KDM4C: variants seen among roughly 807,000 people sequenced by gnomAD.
KDM4C encodes the protein lysine-specific demethylase 4C.
Under a neutral mutation model 129.3 loss-of-function variants are expected in KDM4C, and 81 were observed. That is an observed-to-expected ratio of 0.63 (90% CI 0.52 to 0.75). The LOEUF (loss-of-function observed/expected upper bound fraction) is 0.75, where lower values mean the gene tolerates loss of function less well. Among genes scored for constraint, KDM4C ranks in the 30% least tolerant of loss-of-function variants. The probability of loss-of-function intolerance (pLI) is 0.00; values close to 1 mark genes in which losing one functional copy is unlikely to be tolerated. For synonymous variants in KDM4C, 573 were observed against 456.1 expected, an observed-to-expected ratio of 1.26 and a Z score of -3.26; for missense variants, 1,457 against 1,304.0, an observed-to-expected ratio of 1.12 and a Z score of -1.81.
At chr9:6,960,244 A>G (rs894278609) in intron 8 of KDM4C, among the ~76,000 whole-genome samples, 1 of 151,932 alleles carries the variant, frequency 6.6e-6, no homozygotes, top group Non-Finnish European at 1.5e-5. Context: ...GAAGCAGTTG[A>G]AAGAAGGATA....
At chr9:6,953,773 A>T (rs1192662420) in intron 8 of KDM4C, among the ~76,000 whole-genome samples, 1 of 152,166 alleles carries the variant, frequency 6.6e-6, no homozygotes, top group African/African-American at 2.4e-5. Context: ...TGATTTTCCT[A>T]ATATGCCACC....
intron 6 of KDM4C, among the ~76,000 whole-genome samples, chr9:6,881,380 T>A (rs1201228080): frequency 6.6e-6 from 1 of 152,228 alleles, no homozygotes; most frequent in Non-Finnish European, 1.5e-5. Flanking sequence ...TGTTAGGGAC[T>A]GTTTTCATGA....
intron 19 of KDM4C, among the ~76,000 whole-genome samples, chr9:7,155,486 T>C (rs955746798): frequency 6.6e-6 from 1 of 152,160 alleles, no homozygotes. Context: ...TACGTATTTC[T>C]CCTAAGGCTA....
intron 17 of KDM4C, among the ~76,000 whole-genome samples, chr9:7,088,164 G>C (rs1436440302): frequency 6.6e-6 from 1 of 152,288 alleles, no homozygotes; most frequent in Middle Eastern, 3.4e-3. Context: ...GTATCCACTT[G>C]CTTCTTCCTC....
At chr9:6,825,959 C>T (rs552375210) in intron 4 of KDM4C, among the ~76,000 whole-genome samples, 60 of 152,128 alleles carry the variant, frequency 3.9e-4, no homozygotes, top group Admixed American at 8.5e-4. Flanking sequence ...TACGTGTGTG[C>T]GCCACCATGC....
intron 1 of KDM4C, among the ~76,000 whole-genome samples, chr9:6,741,578 G>A (rs567893064): frequency 2.0e-5 from 3 of 149,898 alleles, no homozygotes; most frequent in African/African-American, 7.4e-5. Context: ...GAGGAGTTTT[G>A]TTTGCAACAC....
intron 1 of KDM4C, among the ~76,000 whole-genome samples, chr9:6,769,118 A>C (rs1034943845): frequency 1.3e-5 from 2 of 152,036 alleles, no homozygotes; most frequent in African/African-American, 4.8e-5. Context: ...CAATACTCTT[A>C]AGTGAAGCTG....
At chr9:6,734,806 G>A in intron 1 of KDM4C, 1 of 433,662 alleles carries the variant, frequency 2.3e-6, no homozygotes, top group Non-Finnish European at 4.6e-6. Context: ...GTAGATTCCT[G>A]TTCCATTGTT....
At chr9:6,776,295 C>T (rs763326328) in intron 1 of KDM4C, among the ~76,000 whole-genome samples, 44 of 152,166 alleles carry the variant, frequency 2.9e-4, no homozygotes, top group Admixed American at 2.0e-3. Context: ...GATGGAGTCT[C>T]GCGCTGTTGC....
intron 1 of KDM4C, among the ~76,000 whole-genome samples, chr9:6,787,425 GT>G (rs1825715601): frequency 6.6e-6 from 1 of 152,176 alleles, no homozygotes; most frequent in Admixed American, 6.5e-5. Flanking sequence ...TAGAGACAGG[GT>G]TTTGCCATGT....
intron 15 of KDM4C, among the ~76,000 whole-genome samples, chr9:7,024,262 A>C (rs987576479): frequency 6.9e-5 from 9 of 130,380 alleles, no homozygotes; most frequent in South Asian, 5.1e-4. Flanking sequence ...ATTGGAGTCT[A>C]TCTCTCTTTT....
chr9:7,162,377 A>C (rs1027679499), intron 19 of KDM4C, among the ~76,000 whole-genome samples: 2 of 152,212 alleles, frequency 1.3e-5, no homozygotes, highest in African/African-American at 4.8e-5. Flanking sequence ...GCTGAGCAGT[A>C]AGTGGTTAGT....
intron 8 of KDM4C, among the ~76,000 whole-genome samples, chr9:6,914,727 T>C (rs968823865): frequency 6.6e-6 from 1 of 152,216 alleles, no homozygotes. Flanking sequence ...ACAAAAGGGC[T>C]TGAGGAAGCA....
chr9:6,950,628 A>G (rs1827964691), intron 8 of KDM4C, among the ~76,000 whole-genome samples: 1 of 152,218 alleles, frequency 6.6e-6, no homozygotes, highest in Non-Finnish European at 1.5e-5. Flanking sequence ...CTGTTTATTA[A>G]TACTGATTAA....
At chr9:7,109,969 C>G (rs1008898326) in intron 18 of KDM4C, among the ~76,000 whole-genome samples, 1 of 152,118 alleles carries the variant, frequency 6.6e-6, no homozygotes, top group African/African-American at 2.4e-5. Flanking sequence ...CACTCATTCT[C>G]TCTCCTGCTG....
At chr9:6,841,720 A>G (rs1049726647) in intron 4 of KDM4C, among the ~76,000 whole-genome samples, 1 of 152,180 alleles carries the variant, frequency 6.6e-6, no homozygotes, top group Admixed American at 6.5e-5. Flanking sequence ...TTTGTGGGCA[A>G]GTGACTATAG....
intron 18 of KDM4C, among the ~76,000 whole-genome samples, chr9:7,126,170 G>T (rs1054104535): frequency 6.6e-6 from 1 of 152,122 alleles, no homozygotes; most frequent in Non-Finnish European, 1.5e-5. Flanking sequence ...CCTACACATG[G>T]TTTTTTAGGA....
intron 1 of KDM4C, among the ~76,000 whole-genome samples, chr9:6,787,164 T>G (rs1254941632): frequency 6.6e-6 from 1 of 152,230 alleles, no homozygotes; most frequent in African/African-American, 2.4e-5. Context: ...CTAGGTTTAA[T>G]TCTAGTAGCC....
chr9:7,049,223 T>A (rs770169501), intron 17 of KDM4C, 23 bp downstream of exon 17: 1 of 1,291,072 alleles, frequency 7.7e-7, no homozygotes, highest in Non-Finnish European at 1.1e-6. Flanking sequence ...GCTTCTTTTT[T>A]ACCTCATAAA....
Sources: gnomAD v4.1 joint callset for allele counts (sites outside exome capture counted in the v4.1 genomes callset) on GRCh38, gnomAD v4.1.1 for gene constraint, MANE v1.5 for transcripts, NCBI Gene and HGNC (gene_info 2026-07-23, HGNC 2026-07-21) for gene names.